Variants in WDSUB1 observed in about 807,000 individuals in gnomAD.
WDSUB1 encodes the protein WD repeat, sterile alpha motif and U-box domain containing 1.
In WDSUB1, 49 loss-of-function variants were observed where a neutral mutation model predicts 53.9. The ratio of observed to expected loss-of-function variants is 0.91; its 90% CI spans 0.72 to 1.15. The LOEUF (loss-of-function observed/expected upper bound fraction) is 1.15, where lower values mean the gene tolerates loss of function less well. WDSUB1 is among the 50% of genes most tolerant of loss of function. The pLI is 0.00. For missense variants in WDSUB1, 514 were observed against 562.0 expected (o/e 0.91, Z 0.86); for synonymous variants, 194 against 200.6 (o/e 0.97, Z 0.28).
At chr2:159,282,541 G>T in intron 2 of WDSUB1, 131 bp downstream of exon 2, 3 of 1,072,066 alleles carry the variant, frequency 2.8e-6, no homozygotes, top group East Asian at 2.4e-5. Context: ...GGCTTCCTAG[G>T]GTCATCAAAA....
intron 1 of WDSUB1, among the ~76,000 whole-genome samples, chr2:159,284,372 T>A (rs2061742639): frequency 6.6e-6 from 1 of 152,154 alleles, no homozygotes; most frequent in Admixed American, 6.5e-5. Context: ...ACTCCAGATC[T>A]GCTCATCTCA....
chr2:159,248,141 C>T (rs1282501714), intron 10 of WDSUB1, among the ~76,000 whole-genome samples: 1 of 151,500 alleles, frequency 6.6e-6, no homozygotes, highest in African/African-American at 2.4e-5. Flanking sequence ...CAACTAAATA[C>T]ACATTTCACA....
intron 4 of WDSUB1, 126 bp downstream of exon 4, chr2:159,275,418 TAA>T: frequency 1.4e-6 from 1 of 710,278 alleles, no homozygotes; most frequent in East Asian, 2.9e-5. Flanking sequence ...TTATTTTGAC[TAA>T]AAGTTTCTTA....
rs753181802 is a variant in WDSUB1 at position 159,236,209 on chromosome 2, A to G, written c.1274-19T>C. 21 of 1,591,856 alleles carry G rather than the reference A, an allele frequency of 1.3e-5. No individual in the cohort carries two copies. The highest frequency in any genetic ancestry group is 5.8e-5 in the South Asian group (5 of 86,682). On this transcript the variant is annotated intron_variant, in intron 10 of 10. Transcript: ENST00000359774. ...TAGCCATCTAAAAAAAAAAAATCAC[A>G]CAAATTACATGATGTAGGAAAGGGA...
chr2:159,261,568 GA>G (rs1489111028), intron 5 of WDSUB1, among the ~76,000 whole-genome samples: 2 of 151,986 alleles, frequency 1.3e-5, no homozygotes, highest in African/African-American at 4.8e-5. Context: ...TGAAATATCT[GA>G]AATTCTTAGG....
At chr2:159,273,938 T>G (rs13015480) in intron 4 of WDSUB1, among the ~76,000 whole-genome samples, 59,610 of 152,006 alleles carry the variant, frequency 0.39, 13,426 homozygotes, top group Non-Finnish European at 0.54. Context: ...TGAAGCTTAC[T>G]AGGTAACAAA....
intron 1 of WDSUB1, among the ~76,000 whole-genome samples, chr2:159,285,103 T>C (rs1403577890): frequency 6.6e-6 from 1 of 152,250 alleles, no homozygotes; most frequent in Non-Finnish European, 1.5e-5. Flanking sequence ...GTAGGTACTT[T>C]GCCATCTTGC....
chr2:159,271,281 A>C (rs1036660046), intron 5 of WDSUB1, among the ~76,000 whole-genome samples: 5 of 152,206 alleles, frequency 3.3e-5, no homozygotes. Context: ...TAATGCCCTC[A>C]AACCAGAAAC....
chr2:159,239,831 C>A (rs571176522), intron 10 of WDSUB1, among the ~76,000 whole-genome samples: 2 of 152,218 alleles, frequency 1.3e-5, no homozygotes, highest in East Asian at 3.8e-4. Context: ...GTAGCTCCCC[C>A]ACCTTGGGGG....
chr2:159,273,703 A>G lies in WDSUB1; in HGVS notation c.676+1843T>C, dbSNP rs2061486434. 2.0e-5 allele frequency among the ~76,000 whole-genome samples: 3 copies of G among 152,200 alleles called. No homozygotes were observed. In the South Asian group the frequency reaches 6.2e-4, roughly 31 times the overall value. On this transcript the variant is annotated intron_variant, in intron 4 of 10. Coordinates refer to ENST00000359774, the MANE Select transcript of WDSUB1 (RefSeq NM_001128212.3). ...CCAAAGTGCTGGGATTACAGGTGTG[A>G]GCCACCACGCCCAGCCTTATGAAAA...
chr2:159,275,601 T>C lies in WDSUB1; in HGVS notation c.621A>G (p.Ser207=). 1 of 1,607,824 alleles carries C rather than the reference T, an allele frequency of 6.2e-7. No individual in the cohort carries two copies. Among genetic ancestry groups the C allele is most frequent in the Non-Finnish European group, 8.5e-7 (1 of 1,178,390 alleles). ...TTTTGACTTGGCAATCCTGACCACA[T>C]GATGCCAGTCGAAAAAACTGAAGAC... The part of the protein sequence containing the change: ...EQGLQFFRLA[S]CGQDCQVKIW... Residue 207 remains serine, a synonymous_variant, in exon 4 of 11, where the codon TCA becomes TCG. Coordinates refer to ENST00000359774, the MANE Select transcript of WDSUB1 (RefSeq NM_001128212.3).
intron 5 of WDSUB1, among the ~76,000 whole-genome samples, chr2:159,264,903 G>T (rs548989761): frequency 3.3e-5 from 5 of 151,980 alleles, no homozygotes; most frequent in Non-Finnish European, 7.4e-5. Context: ...GGCCAACATG[G>T]TGAAACCCTG....
At chr2:159,247,914 T>TATATATAA (rs2060848339) in intron 10 of WDSUB1, among the ~76,000 whole-genome samples, 2 of 65,808 alleles carry the variant, frequency 3.0e-5, no homozygotes, top group Non-Finnish European at 5.6e-5. Context: ...TATATAAATA[T>TATATATAA]ATATATATAT....
rs78460980 is a variant in WDSUB1 at position 159,255,167 on chromosome 2, T to G, written c.1132+1029A>C. Among the ~76,000 whole-genome samples, 608 of 151,570 alleles carry G rather than the reference T, an allele frequency of 4.0e-3. 8 individuals are homozygous for G. The highest frequency in any genetic ancestry group is 0.014 in the African/African-American group (579 of 41,238). On this transcript the variant is annotated intron_variant, in intron 9 of 10. Transcript: ENST00000359774. ...CCTGCCACCCCCACACAAAAAGAGA[T>G]AGAAAAGTGACTGTACTTGGCCAGG... is the stretch of plus-strand genomic sequence containing the variant.
At chr2:159,237,666 T>C (rs1045969961) in intron 10 of WDSUB1, among the ~76,000 whole-genome samples, 2 of 152,200 alleles carry the variant, frequency 1.3e-5, no homozygotes, top group African/African-American at 4.8e-5. Context: ...ACAGTACATA[T>C]ACATTCTACA....
chr2:159,254,217 CA>C (rs1250074685), intron 9 of WDSUB1, among the ~76,000 whole-genome samples: 1 of 152,204 alleles, frequency 6.6e-6, no homozygotes, highest in Non-Finnish European at 1.5e-5. Flanking sequence ...ACTCATCCTT[CA>C]AAAACTAATT....
chr2:159,254,552 C>A (rs1382199450), intron 9 of WDSUB1, among the ~76,000 whole-genome samples: 2 of 151,502 alleles, frequency 1.3e-5, no homozygotes, highest in Non-Finnish European at 2.9e-5. Context: ...CAGAGGGAGA[C>A]CCTGTCTCAA....
chr2:159,244,386 T>TA (rs11437326), intron 10 of WDSUB1, among the ~76,000 whole-genome samples: 30,015 of 117,952 alleles, frequency 0.25, 7,148 homozygotes, highest in African/African-American at 0.62. Context: ...TAACTGCTGA[T>TA]AAAAAAAAAA....
At chr2:159,280,690 C>CAAAAAAAAAAAAAAAAAAA (rs58584838) in intron 2 of WDSUB1, among the ~76,000 whole-genome samples, 19 of 59,566 alleles carry the variant, frequency 3.2e-4, no homozygotes, top group African/African-American at 7.1e-4. Flanking sequence ...GACTCCGTCT[C>CAAAAAAAAAAAAAAAAAAA]AAAAAAAAAA....
Sources: gnomAD v4.1 joint callset for allele counts (sites outside exome capture counted in the v4.1 genomes callset) on GRCh38, gnomAD v4.1.1 for gene constraint, MANE v1.5 for transcripts, NCBI Gene and HGNC (gene_info 2026-07-23, HGNC 2026-07-21) for gene names.